DHX36: variants seen among roughly 807,000 people sequenced by gnomAD.
DHX36 encodes the protein DEAH-box helicase 36.
Under a neutral mutation model 139.0 loss-of-function variants are expected in DHX36, and 50 were observed. The observed-to-expected ratio is 0.36, with a 90% confidence interval of 0.29 to 0.46. The LOEUF is 0.46. Ranked by LOEUF, DHX36 falls within the 20% of genes least tolerant of loss-of-function variation. The probability of loss-of-function intolerance (pLI) is 1.00; values close to 1 mark genes in which losing one functional copy is unlikely to be tolerated. For missense variants in DHX36, 1,024 were observed against 1,211.3 expected, an observed-to-expected ratio of 0.85 and a Z score of 2.29; for synonymous variants, 425 against 401.9, an observed-to-expected ratio of 1.06 and a Z score of -0.69.
At chr3:154,289,917 G>T in intron 15 of DHX36, 91 bp from the exon 16 acceptor site, 1 of 711,516 alleles carries the variant, frequency 1.4e-6, no homozygotes, top group Non-Finnish European at 2.4e-6. Context: ...CAGGGAAGTA[G>T]CCAATATCAA....
At position 154,276,889 on chromosome 3, in the gene DHX36, T is replaced by C; in HGVS notation, c.2699A>G (p.Tyr900Cys). 2 of 1,611,330 alleles carry C rather than the reference T, an allele frequency of 1.2e-6. No individual in the cohort carries two copies. The highest frequency in any genetic ancestry group is 1.7e-6 in the Non-Finnish European group (2 of 1,179,252). Residue 900 changes from tyrosine to cysteine, a missense_variant, in exon 24 of 25, where the codon TAT (tyrosine) becomes TGT (cysteine). Tyr to Cys is a radical substitution (Grantham distance 194). Coordinates refer to ENST00000496811, the MANE Select transcript of DHX36 (RefSeq NM_020865.3). ...LKMRTSSIYLYDCTEVSPYCL... is the reference protein window; with the variant it reads ...LKMRTSSIYLCDCTEVSPYCL... The stretch of plus-strand genomic sequence containing the variant: ...GTATGGGGAAACCTCTGTGCAGTCA[T>C]ACAAGTATATCTGTAATGAAAATTA...
In DHX36 at chr3:154,301,108, C is replaced by T; in HGVS notation, c.1237G>A (p.Glu413Lys). Reference protein sequence around the residue: ...EKIRYVPEQKEHRSQFKRGFM... With the variant: ...EKIRYVPEQKKHRSQFKRGFM... The stretch of plus-strand genomic sequence containing the variant: ...CCCCTCTTAAACTGGGATCTGTGTT[C>T]TTTTTGTTCTGGAACATACCTAAAA... The change falls in exon 10 of 25, where the codon GAA (glutamate) becomes AAA (lysine). Residue 413 changes from glutamate to lysine, a missense_variant. By Grantham distance (56) the Glu-to-Lys change is moderately conservative (BLOSUM62 1). This residue lies in a region of DHX36 where 115 missense variants were observed against 105.6 expected (regional missense o/e 1.09). Transcript: ENST00000496811. 1 of 1,602,140 alleles carries T rather than the reference C, an allele frequency of 6.2e-7. No homozygotes were observed. Among genetic ancestry groups the T allele is most frequent in the Non-Finnish European group, 8.5e-7 (1 of 1,177,456 alleles).
At chr3:154,294,897 G>A (rs906910867) in intron 13 of DHX36, among the ~76,000 whole-genome samples, 1 of 152,252 alleles carries the variant, frequency 6.6e-6, no homozygotes, top group Admixed American at 6.5e-5. Flanking sequence ...GAATATACTA[G>A]CTTTGTGAAA....
chr3:154,314,557 C>T (rs1243865883), intron 3 of DHX36: 1 of 152,706 alleles, frequency 6.5e-6, no homozygotes, highest in Non-Finnish European at 1.5e-5. Context: ...AAATATCTTG[C>T]CTAGCATAGA....
At chr3:154,304,045 T>G (rs9832113) in intron 8 of DHX36, among the ~76,000 whole-genome samples, 2 of 152,098 alleles carry the variant, frequency 1.3e-5, no homozygotes, top group Non-Finnish European at 2.9e-5. Context: ...AAGTACTCAA[T>G]GTTAGTTCTA....
intron 3 of DHX36, among the ~76,000 whole-genome samples, chr3:154,312,534 A>G (rs1284387174): frequency 1.3e-5 from 2 of 151,972 alleles, no homozygotes; most frequent in Non-Finnish European, 2.9e-5. Context: ...GCTTTAATAA[A>G]CACCCTTTAT....
chr3:154,282,098 C>T (rs1719350747), intron 20 of DHX36, among the ~76,000 whole-genome samples: 1 of 152,096 alleles, frequency 6.6e-6, no homozygotes, highest in South Asian at 2.1e-4. Context: ...TGTTTTCATG[C>T]TTCTGTTCAC....
At chr3:154,301,156 C>T (rs750198842) in intron 9 of DHX36, 29 bp from the exon 10 acceptor site, 1 of 1,554,938 alleles carries the variant, frequency 6.4e-7, no homozygotes, top group South Asian at 1.2e-5. Flanking sequence ...TGAATATCTT[C>T]ACTTTTTTGA....
Position 154,274,956 on chromosome 3 carries a change from C to T in DHX36, c.*1215G>A, listed in dbSNP as rs1719103035. ...ATTCCTTGGCGAAGAAGATAAGTAG[C>T]AATAAAATAAAAAGTGTAATATAAT... is the stretch of plus-strand genomic sequence containing the variant. On this transcript the variant is annotated 3_prime_UTR_variant, in exon 25 of 25. Coordinates refer to ENST00000496811, the MANE Select transcript of DHX36 (RefSeq NM_020865.3). 6.6e-6 allele frequency: 1 copy of T among 152,016 alleles called. No homozygotes were observed. The highest frequency in any genetic ancestry group is 2.1e-4 in the South Asian group (1 of 4,826). 9.4% of individuals were successfully genotyped at this position (152,016 alleles called of 1,614,324 possible).
At chr3:154,306,348 C>A (rs1712501459) in intron 5 of DHX36, 53 bp from the exon 6 acceptor site, 1 of 1,443,460 alleles carries the variant, frequency 6.9e-7, no homozygotes. Flanking sequence ...GAACAAATAT[C>A]CTGAATGTCC....
chr3:154,276,435 T>C (rs1719151861), intron 24 of DHX36, 79 bp from the exon 25 acceptor site: 2 of 1,317,590 alleles, frequency 1.5e-6, no homozygotes, highest in Non-Finnish European at 2.1e-6. Context: ...CTAATTTACC[T>C]GATACAAGGA....
Position 154,283,176 on chromosome 3 carries a change from A to T in DHX36, c.2376+12T>A. 1 of 1,592,600 alleles carries T rather than the reference A, an allele frequency of 6.3e-7. No individual in the cohort carries two copies. The highest frequency in any genetic ancestry group is 8.6e-7 in the Non-Finnish European group (1 of 1,160,550). On this transcript the variant is annotated intron_variant, in intron 20 of 24. Coordinates refer to ENST00000496811, the MANE Select transcript of DHX36 (RefSeq NM_020865.3). ...GCATATATGATAATTACTGCAAAAC[A>T]TTCACCATTACCTGCAGTGTGTTTG...
chr3:154,310,834 T>TATACATATATATATATATATGTATATAC (rs1559957804), intron 4 of DHX36, among the ~76,000 whole-genome samples: 16 of 73,086 alleles, frequency 2.2e-4, no homozygotes, highest in African/African-American at 7.4e-4. Flanking sequence ...TATATATATA[T>TATACATATATATATATATATGTATATAC]ATATATATAT....
At chr3:154,305,008 C>T in intron 7 of DHX36, 36 bp from the exon 8 acceptor site, 2 of 1,596,066 alleles carry the variant, frequency 1.3e-6, no homozygotes, top group East Asian at 4.5e-5. Context: ...ATTTTAAAAC[C>T]ATTTTTCTTT....
chr3:154,277,509 A>G (rs1348004930), intron 23 of DHX36, 89 bp downstream of exon 23: 4 of 1,342,988 alleles, frequency 3.0e-6, no homozygotes, highest in Admixed American at 2.9e-5. Flanking sequence ...CAAAAAAAAA[A>G]TTTTGTATAT....
intron 19 of DHX36, 46 bp downstream of exon 19, chr3:154,284,537 A>G (rs1711502383): frequency 6.9e-7 from 1 of 1,455,672 alleles, no homozygotes; most frequent in Admixed American, 2.1e-5. Context: ...TTAGCATTTC[A>G]TTTGAATAAA....
At chr3:154,284,460 C>A (rs889219111) in intron 19 of DHX36, 123 bp downstream of exon 19, 21 of 791,012 alleles carry the variant, frequency 2.7e-5, no homozygotes, top group Admixed American at 6.0e-5. Context: ...TGATTACAGG[C>A]ATGAGCCACC....
At chr3:154,282,142 C>A (rs569777899) in intron 20 of DHX36, among the ~76,000 whole-genome samples, 2 of 152,118 alleles carry the variant, frequency 1.3e-5, no homozygotes, top group African/African-American at 4.8e-5. Context: ...CATTTCAAAA[C>A]GTGTTCTTAC....
intron 19 of DHX36, among the ~76,000 whole-genome samples, chr3:154,284,243 G>A (rs985209658): frequency 2.0e-5 from 3 of 152,060 alleles, no homozygotes; most frequent in Admixed American, 6.6e-5. Context: ...GCAGTGGCAT[G>A]ATTTCAGCTC....
Sources: gnomAD v4.1 joint callset for allele counts (sites outside exome capture counted in the v4.1 genomes callset) on GRCh38, gnomAD v4.1.1 for gene constraint, gnomAD v4.1.1 regional missense constraint, MANE v1.5 for transcripts, NCBI Gene and HGNC (gene_info 2026-07-23, HGNC 2026-07-21) for gene names.